PRDM15: variants seen among roughly 807,000 people sequenced by gnomAD.
PRDM15 encodes the protein PR domain zinc finger protein 15.
Under a neutral mutation model 128.6 loss-of-function variants are expected in PRDM15, and 64 were observed. The observed-to-expected ratio is 0.50, with a 90% CI of 0.41 to 0.61. The LOEUF (loss-of-function observed/expected upper bound fraction) is 0.61, where lower values mean the gene tolerates loss of function less well. Among genes scored for constraint, PRDM15 ranks in the 20% least tolerant of loss-of-function variants. PRDM15 has a pLI of 0.00. For missense variants in PRDM15, 1,242 were observed against 1,569.1 expected (o/e 0.79, Z 3.52); for synonymous variants, 615 against 621.8 (o/e 0.99, Z 0.16).
chr21:41,841,747 C>T (rs560724676), intron 6 of PRDM15, among the ~76,000 whole-genome samples: 2 of 152,238 alleles, frequency 1.3e-5, no homozygotes, highest in African/African-American at 4.8e-5. Flanking sequence ...CTTATTAAAT[C>T]AATTGTGTTA....
At chr21:41,819,933 G>A (rs1433369711) in intron 17 of PRDM15, 162 bp downstream of exon 17, 2 of 781,712 alleles carry the variant, frequency 2.6e-6, no homozygotes, top group Admixed American at 4.5e-5. Flanking sequence ...GGCTGTGAGT[G>A]GCAGGGCTGA....
chr21:41,810,795 T>G lies in PRDM15; in HGVS notation c.2434A>C (p.Ser812Arg). Residue 812 changes from serine to arginine, a missense_variant, in exon 20 of 24, where the codon AGC becomes CGC. Physicochemically the swap from Ser to Arg is moderately radical, Grantham distance 110. This residue lies in a region of PRDM15 where 602 missense variants were observed against 788.3 expected (regional missense o/e 0.76). Transcript: ENST00000398548. This position sits in a 1 kb window ranked among gnomAD's most constrained non-coding sequence, Gnocchi z 6.4. ...TGGGTCTCCATGGTGTTCCTCTCGCTGAATGTCTTCCCACACAATTCACAC... is the reference window on the plus strand; with the variant it reads ...TGGGTCTCCATGGTGTTCCTCTCGCGGAATGTCTTCCCACACAATTCACAC... ...FMCELCGKTF[S>R]ERNTMETHKL... 6.2e-7 allele frequency: 1 copy of G among 1,614,182 alleles called. No homozygotes were observed. Among genetic ancestry groups the G allele is most frequent in the Non-Finnish European group, 8.5e-7 (1 of 1,180,034 alleles).
At chr21:41,860,503 A>C (rs745828322) in intron 1 of PRDM15, 131 bp from the exon 2 acceptor site, 1 of 666,780 alleles carries the variant, frequency 1.5e-6, no homozygotes, top group African/African-American at 1.8e-5. Flanking sequence ...GCTCACTGCA[A>C]CCTCTGCCTC....
chr21:41,863,479 C>A (rs1254374422), intron 1 of PRDM15, among the ~76,000 whole-genome samples: 2 of 152,156 alleles, frequency 1.3e-5, no homozygotes, highest in Non-Finnish European at 2.9e-5. Flanking sequence ...ACTACAAAAA[C>A]TAACTAAACA....
At chr21:41,806,069 C>CCAT (rs2061576779) in intron 21 of PRDM15, among the ~76,000 whole-genome samples, 6 of 93,518 alleles carry the variant, frequency 6.4e-5, no homozygotes, top group African/African-American at 1.6e-4. Flanking sequence ...ATCACCATCA[C>CCAT]CACCACCATC....
At chr21:41,808,251 C>T (rs1029393599) in intron 21 of PRDM15, among the ~76,000 whole-genome samples, 5 of 152,132 alleles carry the variant, frequency 3.3e-5, no homozygotes, top group Non-Finnish European at 4.4e-5. Flanking sequence ...CCTACTCCCC[C>T]GACTCTGTTT....
rs2145928322 is a variant in PRDM15 at position 41,862,132 on chromosome 21, C to T, written c.-9-1760G>A. ...CAGAGTGGGGTGGGGAGGGCGCACG[C>T]TTTCATGAGTTGCTGCTGTGCTACT... is the stretch of plus-strand genomic sequence containing the variant. On this transcript the variant is annotated intron_variant, in intron 1 of 23. Coordinates refer to ENST00000398548, the MANE Select transcript of PRDM15 (RefSeq NM_001040424.3). This position sits in a 1 kb window ranked among gnomAD's most constrained non-coding sequence, Gnocchi z 4.1. 1 of 703,622 alleles carries T rather than the reference C, an allele frequency of 1.4e-6. No homozygotes were observed. The highest frequency in any genetic ancestry group is 1.6e-5 in the South Asian group (1 of 61,480). The allele number at this position is 703,622 out of a possible 1,614,324, so 43.6% of individuals were successfully genotyped here.
chr21:41,871,718 G>C lies in PRDM15; in HGVS notation c.-10+7552C>G, dbSNP rs190962298. 251 of 1,365,632 alleles carry C rather than the reference G, an allele frequency of 1.8e-4. 3 individuals are homozygous for C. In the African/African-American group the frequency reaches 3.1e-3, roughly 17 times the overall value. 84.6% of individuals were successfully genotyped at this position (1,365,632 alleles called of 1,614,324 possible). On this transcript the variant is annotated intron_variant, in intron 1 of 23. Coordinates refer to ENST00000398548, the MANE Select transcript of PRDM15 (RefSeq NM_001040424.3). The stretch of plus-strand genomic sequence containing the variant: ...TGACAGAAACTAACAGTGGTCCTCT[G>C]TTGTTACCACTGACAGCCAATCAGC...
chr21:41,853,413 T>A (rs922827636), intron 5 of PRDM15, among the ~76,000 whole-genome samples: 1 of 152,200 alleles, frequency 6.6e-6, no homozygotes, highest in Non-Finnish European at 1.5e-5. Context: ...GGAGAGTCAA[T>A]ATCTATTTCG....
chr21:41,866,963 G>A (rs567894937), intron 1 of PRDM15, among the ~76,000 whole-genome samples: 12 of 152,288 alleles, frequency 7.9e-5, no homozygotes, highest in African/African-American at 2.4e-4. Flanking sequence ...AACAGGGAAA[G>A]GTCTAGAACA....
rs2063733555 is a variant in PRDM15 at position 41,859,162 on chromosome 21, C to G, written c.131+430G>C. Reference sequence around the variant, plus strand: ...GAAGCTGCTGTGGGTCAGCCCTGTCCCTGTCCTCATAACCCCGCATCCCCT... The same window carrying G: ...GAAGCTGCTGTGGGTCAGCCCTGTCGCTGTCCTCATAACCCCGCATCCCCT... On this transcript the variant is annotated intron_variant, in intron 3 of 23. Transcript: ENST00000398548. The surrounding 1 kb of genome is among the most constrained non-coding windows in gnomAD (Gnocchi z 5.3). The G allele has an allele frequency of 6.2e-7, 1 of 1,613,870 alleles. No homozygotes were observed. Among genetic ancestry groups the G allele is most frequent in the Non-Finnish European group, 8.5e-7 (1 of 1,180,022 alleles).
At chr21:41,801,834 G>A in intron 23 of PRDM15, 112 bp from the exon 24 acceptor site, 2 of 1,201,116 alleles carry the variant, frequency 1.7e-6, no homozygotes, top group South Asian at 1.6e-5. Flanking sequence ...GACATTCTTT[G>A]GTGAAAGAGG....
chr21:41,829,810 CCACA>C (rs1190456926), intron 11 of PRDM15, among the ~76,000 whole-genome samples: 2 of 151,116 alleles, frequency 1.3e-5, no homozygotes, highest in Admixed American at 6.6e-5. Flanking sequence ...TCAACATACA[CCACA>C]CACACCCCAC....
chr21:41,834,414 G>T, intron 11 of PRDM15: 2 of 1,191,560 alleles, frequency 1.7e-6, no homozygotes, highest in East Asian at 2.5e-5. Flanking sequence ...TCAACACAGG[G>T]GCGGGTGGCA....
intron 19 of PRDM15, among the ~76,000 whole-genome samples, chr21:41,815,501 G>C (rs1174337306): frequency 6.6e-6 from 1 of 152,202 alleles, no homozygotes; most frequent in Non-Finnish European, 1.5e-5. Flanking sequence ...CATGCTCTCC[G>C]GTGACGAGGC....
chr21:41,868,939 C>T (rs1295553522), intron 1 of PRDM15, among the ~76,000 whole-genome samples: 3 of 152,106 alleles, frequency 2.0e-5, no homozygotes, highest in African/African-American at 4.8e-5. Flanking sequence ...CCACCCGCCT[C>T]GGCCTCCCAA....
In PRDM15 at chr21:41,854,725, C is replaced by T. The variant is rs774913326; in HGVS notation, c.379G>A (p.Glu127Lys). Residue 127 changes from glutamate to lysine, a missense_variant, in exon 5 of 24, where the codon GAG becomes AAG. Around this residue, in one of 3 missense-constraint regions of PRDM15, gnomAD observed 612 missense variants for 717.0 expected, o/e 0.85. Coordinates refer to ENST00000398548, the MANE Select transcript of PRDM15 (RefSeq NM_001040424.3). The surrounding 1 kb of genome is among the most constrained non-coding windows in gnomAD (Gnocchi z 4.6). ...MMLVRPAAEA[E>K]HQNLTAYQHG... ...TGGTAGGCCGTCAGGTTCTGGTGCT[C>T]GGCCTCCGCCGCTGGCCGCACCAGC... The T allele has an allele frequency of 2.0e-5, 33 of 1,613,056 alleles. No individual in the cohort carries two copies. The highest frequency in any genetic ancestry group is 1.6e-4 in the Middle Eastern group (1 of 6,082).
At chr21:41,839,179 G>A (rs775052543) in intron 7 of PRDM15, among the ~76,000 whole-genome samples, 3 of 152,226 alleles carry the variant, frequency 2.0e-5, no homozygotes, top group Non-Finnish European at 4.4e-5. Context: ...GATGGACCAA[G>A]CACTGTTCAG....
intron 7 of PRDM15, among the ~76,000 whole-genome samples, chr21:41,838,430 T>C (rs1234052993): frequency 6.6e-6 from 1 of 152,250 alleles, no homozygotes; most frequent in African/African-American, 2.4e-5. Context: ...GAAATGTTAA[T>C]GTTTCTAATT....
Sources: gnomAD v4.1 joint callset for allele counts (sites outside exome capture counted in the v4.1 genomes callset) on GRCh38, gnomAD v4.1.1 for gene constraint, gnomAD v4.1.1 regional missense constraint, Gnocchi (gnomAD v3.1) non-coding constraint, MANE v1.5 for transcripts, NCBI Gene and HGNC (gene_info 2026-07-23, HGNC 2026-07-21) for gene names.